Variants in SUGCT observed in about 807,000 individuals in gnomAD.
The protein encoded by SUGCT is succinyl-CoA:glutarate CoA-transferase.
In SUGCT, 41 loss-of-function variants were observed where a neutral mutation model predicts 55.0. The observed-to-expected ratio is 0.74, with a 90% confidence interval of 0.58 to 0.97. The LOEUF (loss-of-function observed/expected upper bound fraction) is 0.97. Ranked by LOEUF, SUGCT falls within the 50% of genes least tolerant of loss-of-function variation. SUGCT has a pLI of 0.00. For missense variants in SUGCT, 568 were observed against 547.8 expected (o/e 1.04, Z -0.37); for synonymous variants, 187 against 200.4 (o/e 0.93, Z 0.56).
chr7:40,367,276 GA>G (rs1375961912), intron 9 of SUGCT, among the ~76,000 whole-genome samples: 2 of 114,692 alleles, frequency 1.7e-5, no homozygotes, highest in Non-Finnish European at 1.7e-5. Flanking sequence ...GGGGTGGGGG[GA>G]GGGGGGGAGG....
intron 11 of SUGCT, among the ~76,000 whole-genome samples, chr7:40,494,559 G>A (rs373336178): frequency 3.3e-5 from 5 of 151,982 alleles, no homozygotes; most frequent in African/African-American, 4.8e-5. Context: ...AACATTAGTG[G>A]GCTGAAATTA....
intron 1 of SUGCT, among the ~76,000 whole-genome samples, chr7:40,137,809 G>A (rs1023401536): frequency 6.6e-6 from 1 of 151,996 alleles, no homozygotes; most frequent in Non-Finnish European, 1.5e-5. Context: ...AGCCTCCCAA[G>A]TAGCTGAAAC....
Position 40,648,931 on chromosome 7 carries a change from G to T in SUGCT, c.1090-100503G>T, listed in dbSNP as rs116557755. The stretch of plus-strand genomic sequence containing the variant: ...TAAGCCGCCTAGTTTGAGGCAATTT[G>T]TTACAGCAGCTCTAGGAAACTAATA... On this transcript the variant is annotated intron_variant, in intron 12 of 13. Coordinates refer to ENST00000335693, the MANE Select transcript of SUGCT (RefSeq NM_001193313.2). 5.9e-3 allele frequency among the ~76,000 whole-genome samples: 892 copies of T among 152,252 alleles called. 9 individuals are homozygous for T. Among genetic ancestry groups the T allele is most frequent in the African/African-American group, 0.02 (835 of 41,548 alleles).
At chr7:40,361,900 G>A (rs1366636063) in intron 9 of SUGCT, among the ~76,000 whole-genome samples, 6 of 151,948 alleles carry the variant, frequency 3.9e-5, no homozygotes, top group Non-Finnish European at 7.4e-5. Flanking sequence ...GAGACCCATC[G>A]CCAGAGATTC....
At chr7:40,364,411 A>G (rs367679432) in intron 9 of SUGCT, among the ~76,000 whole-genome samples, 1 of 152,056 alleles carries the variant, frequency 6.6e-6, no homozygotes, top group South Asian at 2.1e-4. Flanking sequence ...TCCTAGTCTC[A>G]ATGGTCTTTA....
chr7:40,630,881 A>G lies in SUGCT; in HGVS notation c.1090-118553A>G, dbSNP rs538197934. Reference sequence around the variant, plus strand: ...GTGTAGATGTATATGAGACCCACACACGGGGTCGGGGGGGTGGGTGGGAGA... The same window carrying G: ...GTGTAGATGTATATGAGACCCACACGCGGGGTCGGGGGGGTGGGTGGGAGA... On this transcript the variant is annotated intron_variant, in intron 12 of 13. Transcript: ENST00000335693. Among the ~76,000 whole-genome samples, 107 of 98,866 alleles carry G rather than the reference A, an allele frequency of 1.1e-3. 2 individuals carry two copies. In the East Asian group the frequency reaches 0.033, roughly 30 times the overall value. 64.9% of individuals were successfully genotyped at this position (98,866 alleles called of 152,430 possible).
chr7:40,820,657 G>A (rs1404803506), intron 13 of SUGCT, among the ~76,000 whole-genome samples: 1 of 152,202 alleles, frequency 6.6e-6, no homozygotes, highest in Non-Finnish European at 1.5e-5. Context: ...AGCTTAAGGA[G>A]ATTTTGGGCT....
chr7:40,982,218 T>A, the SUGCT span, among the ~76,000 whole-genome samples: 1 of 152,154 alleles, frequency 6.6e-6, no homozygotes, highest in Non-Finnish European at 1.5e-5. Context: ...GTTGTACACA[T>A]CACCAAAAAA....
intron 1 of SUGCT, among the ~76,000 whole-genome samples, chr7:40,145,176 T>C (rs1788179844): frequency 1.3e-5 from 2 of 152,218 alleles, no homozygotes; most frequent in Admixed American, 1.3e-4. Context: ...AAAAAATTTT[T>C]TTAACCTTTT....
At chr7:40,373,276 A>G (rs1160326993) in intron 9 of SUGCT, among the ~76,000 whole-genome samples, 2 of 3,790 alleles carry the variant, frequency 5.3e-4, no homozygotes, top group African/African-American at 6.8e-4. Context: ...ATAATAATTA[A>G]TATATAGAAT....
At chr7:40,985,875 A>G in the SUGCT span, among the ~76,000 whole-genome samples, 1 of 152,350 alleles carries the variant, frequency 6.6e-6, no homozygotes, top group East Asian at 1.9e-4. Context: ...AAAAATTCAT[A>G]CAAGAGTGGG....
the SUGCT span, among the ~76,000 whole-genome samples, chr7:40,987,438 T>C: frequency 6.6e-6 from 1 of 152,230 alleles, no homozygotes; most frequent in Non-Finnish European, 1.5e-5. Flanking sequence ...TGGTAATTTA[T>C]GTAATTTTTT....
intron 12 of SUGCT, among the ~76,000 whole-genome samples, chr7:40,658,134 G>A (rs911214747): frequency 1.3e-5 from 2 of 152,106 alleles, no homozygotes; most frequent in East Asian, 1.9e-4. Flanking sequence ...TCAAGTCTTC[G>A]ATTAAGCCAT....
intron 13 of SUGCT, among the ~76,000 whole-genome samples, chr7:40,848,499 C>T (rs1285808446): frequency 1.3e-5 from 2 of 152,026 alleles, no homozygotes; most frequent in Non-Finnish European, 2.9e-5. Flanking sequence ...GCCTCATTTC[C>T]GTTATCTGCA....
the SUGCT span, among the ~76,000 whole-genome samples, chr7:41,029,871 T>G: frequency 6.6e-6 from 1 of 152,130 alleles, no homozygotes; most frequent in Admixed American, 6.5e-5. Flanking sequence ...TAAGTAATAG[T>G]TTAACTGCCC....
intron 12 of SUGCT, among the ~76,000 whole-genome samples, chr7:40,541,447 C>G (rs1794673696): frequency 6.6e-6 from 1 of 152,120 alleles, no homozygotes; most frequent in Non-Finnish European, 1.5e-5. Flanking sequence ...TCAAACAGGT[C>G]TATATTGGTC....
chr7:40,604,204 T>C (rs1426154633), intron 12 of SUGCT, among the ~76,000 whole-genome samples: 1 of 152,140 alleles, frequency 6.6e-6, no homozygotes. Context: ...CCCGAGGCCC[T>C]TGCTATCTCC....
At chr7:40,569,251 ACTCAAGTCTCT>A in intron 12 of SUGCT, among the ~76,000 whole-genome samples, 1 of 152,232 alleles carries the variant, frequency 6.6e-6, no homozygotes, top group East Asian at 1.9e-4. Flanking sequence ...CTAGGGAAAC[ACTCAAGTCTCT>A]CCTTTCCATC....
intron 1 of SUGCT, among the ~76,000 whole-genome samples, chr7:40,144,259 C>T (rs1200585350): frequency 1.3e-5 from 2 of 152,120 alleles, no homozygotes; most frequent in African/African-American, 2.4e-5. Flanking sequence ...AGGCAAGCAT[C>T]AAATGCAATA....
Sources: allele counts gnomAD v4.1 joint callset (sites outside exome capture counted in the v4.1 genomes callset), GRCh38; gene constraint gnomAD v4.1.1; transcripts MANE v1.5; gene names NCBI Gene and HGNC (gene_info 2026-07-23, HGNC 2026-07-21).